SEPHS1: variants seen among roughly 807,000 people sequenced by gnomAD.
The protein encoded by SEPHS1 is zincore component SEPHS1.
In SEPHS1, 7 loss-of-function variants were observed where a neutral mutation model predicts 39.2. The observed-to-expected ratio is 0.18, with a 90% CI of 0.10 to 0.34. The LOEUF (loss-of-function observed/expected upper bound fraction) is 0.34. SEPHS1 is among the 10% of genes least tolerant of loss of function. SEPHS1 has a pLI of 1.00. For synonymous variants in SEPHS1, 190 were observed against 195.5 expected (o/e 0.97, Z 0.23); for missense variants, 253 against 514.5 (o/e 0.49, Z 4.92).
At chr10:13,343,119 G>C (rs920550524) in intron 2 of SEPHS1, among the ~76,000 whole-genome samples, 1 of 152,174 alleles carries the variant, frequency 6.6e-6, no homozygotes, top group African/African-American at 2.4e-5. Flanking sequence ...TGAGTGACTA[G>C]TAAGTAACTG....
chr10:13,346,972 A>C (rs553125499), intron 1 of SEPHS1, among the ~76,000 whole-genome samples: 2 of 152,256 alleles, frequency 1.3e-5, no homozygotes, highest in South Asian at 4.1e-4. Context: ...CTAATGAAAA[A>C]AGTACTAGAT....
At chr10:13,321,646 A>G (rs1234764526) in intron 8 of SEPHS1, among the ~76,000 whole-genome samples, 1 of 152,250 alleles carries the variant, frequency 6.6e-6, no homozygotes, top group African/African-American at 2.4e-5. Context: ...AAAAACAGGG[A>G]GACTTAAAAG....
chr10:13,338,084 A>G (rs3802583), intron 3 of SEPHS1, among the ~76,000 whole-genome samples: 98,111 of 152,040 alleles, frequency 0.65, 31,979 homozygotes, highest in East Asian at 0.77. Flanking sequence ...ACTACGCAGT[A>G]AACAACTGGG....
chr10:13,331,572 A>C (rs1833471721), intron 5 of SEPHS1, among the ~76,000 whole-genome samples: 1 of 152,114 alleles, frequency 6.6e-6, no homozygotes, highest in Non-Finnish European at 1.5e-5. Flanking sequence ...TAGTAGAGAC[A>C]GGGTTTCACC....
At chr10:13,338,901 GA>G in intron 2 of SEPHS1, 93 bp from the exon 3 acceptor site, 1 of 916,330 alleles carries the variant, frequency 1.1e-6, no homozygotes, top group Non-Finnish European at 1.8e-6. Flanking sequence ...GAGCTCATAA[GA>G]TACTTATGGA....
At chr10:13,343,334 G>A (rs1490449142) in intron 2 of SEPHS1, among the ~76,000 whole-genome samples, 1 of 152,078 alleles carries the variant, frequency 6.6e-6, no homozygotes, top group Non-Finnish European at 1.5e-5. Context: ...CCATCAGCTG[G>A]ACGGCAGGAA....
chr10:13,322,308 C>T (rs888426158), intron 8 of SEPHS1, among the ~76,000 whole-genome samples: 1 of 150,744 alleles, frequency 6.6e-6, no homozygotes, highest in Non-Finnish European at 1.5e-5. Flanking sequence ...CGCCCAGCTA[C>T]TTTTTTTTTG....
At chr10:13,325,405 G>C (rs893485851) in intron 7 of SEPHS1, among the ~76,000 whole-genome samples, 1 of 152,118 alleles carries the variant, frequency 6.6e-6, no homozygotes, top group Non-Finnish European at 1.5e-5. Flanking sequence ...TGAATCATGA[G>C]GGCGGTTTCC....
intron 8 of SEPHS1, among the ~76,000 whole-genome samples, chr10:13,319,615 G>A (rs1833041775): frequency 6.6e-6 from 1 of 152,112 alleles, no homozygotes; most frequent in Non-Finnish European, 1.5e-5. Flanking sequence ...AGCTTTCCCA[G>A]TAGCTGTGAT....
At chr10:13,330,650 G>A (rs1482544874) in intron 5 of SEPHS1, among the ~76,000 whole-genome samples, 1 of 151,990 alleles carries the variant, frequency 6.6e-6, no homozygotes, top group African/African-American at 2.4e-5. Flanking sequence ...CAAAGCCAGG[G>A]CCACAGACTT....
rs1001383641 is a variant in SEPHS1 at position 13,342,860 on chromosome 10, C to T, written c.193+1898G>A. On this transcript the variant is annotated intron_variant, in intron 2 of 8. Transcript: ENST00000327347. Reference sequence around the variant, plus strand: ...AAGGGATCCTCCCACCTCAGCCTCCCGAGTAGCTGAAACTACAGGTGTACA... The same window carrying T: ...AAGGGATCCTCCCACCTCAGCCTCCTGAGTAGCTGAAACTACAGGTGTACA... Among the ~76,000 whole-genome samples the T allele has an allele frequency of 2.0e-5, 3 of 152,094 alleles. No individual in the cohort carries two copies. In the East Asian group the frequency reaches 5.8e-4, roughly 29 times the overall value.
chr10:13,338,924 GC>G (rs1833714972), intron 2 of SEPHS1, 116 bp from the exon 3 acceptor site: 6 of 749,048 alleles, frequency 8.0e-6, no homozygotes, highest in Non-Finnish European at 1.2e-5. Flanking sequence ...ACTGCAGGCT[GC>G]CAATGAAGCC....
intron 2 of SEPHS1, 77 bp from the exon 3 acceptor site, chr10:13,338,885 C>A: frequency 9.6e-7 from 1 of 1,042,032 alleles, no homozygotes; most frequent in East Asian, 2.4e-5. Flanking sequence ...GTGCTCTGAA[C>A]AGGAAGAGCT....
At chr10:13,323,909 A>G (rs900188374) in intron 7 of SEPHS1, among the ~76,000 whole-genome samples, 1 of 152,098 alleles carries the variant, frequency 6.6e-6, no homozygotes, top group East Asian at 1.9e-4. Context: ...TCCATACTAC[A>G]GATACACTAC....
At chr10:13,330,248 CAG>C (rs1358999595) in intron 5 of SEPHS1, among the ~76,000 whole-genome samples, 2 of 152,258 alleles carry the variant, frequency 1.3e-5, no homozygotes, top group South Asian at 2.1e-4. Context: ...GCTTCTGAAA[CAG>C]AGAGTGCTTC....
chr10:13,319,191 G>C lies in SEPHS1; in HGVS notation c.1130C>G (p.Pro377Arg), dbSNP rs960274224. 2 of 1,613,828 alleles carry C rather than the reference G, an allele frequency of 1.2e-6. No homozygotes were observed. Among genetic ancestry groups the C allele is most frequent in the Admixed American group, 3.3e-5 (2 of 59,972 alleles). The stretch of plus-strand genomic sequence containing the variant: ...ATTCACATTTTGAGTGGCCACTTGT[G>C]GTGCGACCTCGATGATCCGGGGTTT... ...IDKPRIIEVA[P>R]QVATQNVNPT... Residue 377 changes from proline (P) to arginine (R), a missense_variant, in exon 9 of 9, where the codon CCA (proline) becomes CGA (arginine). Coordinates refer to ENST00000327347, the MANE Select transcript of SEPHS1 (RefSeq NM_012247.5).
At chr10:13,327,240 CAAAAAAAAAAAAAAA>C (rs34788028) in intron 7 of SEPHS1, among the ~76,000 whole-genome samples, 2 of 82,800 alleles carry the variant, frequency 2.4e-5, no homozygotes, top group Non-Finnish European at 4.4e-5. Context: ...GATTCTGTCT[CAAAAAAAAAAAAAAA>C]AAAAAAAAAA....
At chr10:13,339,051 T>G (rs1271377733) in intron 2 of SEPHS1, among the ~76,000 whole-genome samples, 1 of 152,226 alleles carries the variant, frequency 6.6e-6, no homozygotes, top group Non-Finnish European at 1.5e-5. Context: ...TGGCATAGTT[T>G]TAATCCTTAA....
In SEPHS1 at chr10:13,333,519, C is replaced by T. The variant is rs561306195; in HGVS notation, c.560+298G>A. Reference sequence around the variant, plus strand: ...GCAGGGGCATGATCTCAGCTCACTGCAACCTCCACCCCTGGGGTTCAAGCG... The same window carrying T: ...GCAGGGGCATGATCTCAGCTCACTGTAACCTCCACCCCTGGGGTTCAAGCG... On this transcript the variant is annotated intron_variant, in intron 5 of 8. Transcript: ENST00000327347. Among the ~76,000 whole-genome samples, 4 of 152,064 alleles carry T rather than the reference C, an allele frequency of 2.6e-5. No individual in the cohort carries two copies. The South Asian group carries it at 6.2e-4, about 24-fold the overall frequency.
Sources: allele counts gnomAD v4.1 joint callset (sites outside exome capture counted in the v4.1 genomes callset), GRCh38; gene constraint gnomAD v4.1.1; transcripts MANE v1.5; gene names NCBI Gene and HGNC (gene_info 2026-07-23, HGNC 2026-07-21).